CYB5A: variants seen among roughly 807,000 people sequenced by gnomAD.
CYB5A encodes cytochrome b5 type A, also known as cytochrome b5.
A neutral mutation model predicts 16.2 loss-of-function variants in CYB5A; 10 were observed. The observed-to-expected ratio is 0.62, with a 90% CI of 0.38 to 1.04. The LOEUF (loss-of-function observed/expected upper bound fraction) is 1.04. Among genes scored for constraint, CYB5A ranks in the 50% least tolerant of loss-of-function variants. CYB5A has a pLI of 0.01. For missense variants in CYB5A, 161 were observed against 165.9 expected, an observed-to-expected ratio of 0.97 and a Z score of 0.16; for synonymous variants, 62 against 57.0, an observed-to-expected ratio of 1.09 and a Z score of -0.40.
chr18:74,272,107 A>G (rs1982692306), intron 1 of CYB5A, among the ~76,000 whole-genome samples: 1 of 152,230 alleles, frequency 6.6e-6, no homozygotes, highest in South Asian at 2.1e-4. Flanking sequence ...GCTAAGCCCT[A>G]TCCTATGTAA....
intron 4 of CYB5A, among the ~76,000 whole-genome samples, chr18:74,254,114 AG>A (rs1396561170): frequency 3.3e-5 from 5 of 152,180 alleles, no homozygotes; most frequent in Non-Finnish European, 5.9e-5. Context: ...TGGGAGGCAG[AG>A]GTTGCAGTGA....
chr18:74,258,133 C>T (rs1982061338), intron 3 of CYB5A: 1 of 151,956 alleles, frequency 6.6e-6, no homozygotes, highest in South Asian at 2.1e-4. Flanking sequence ...ACACGGCAAG[C>T]CCAGAACCTA....
chr18:74,284,252 A>AAAAAAG (rs1555690735), intron 1 of CYB5A, among the ~76,000 whole-genome samples: 1 of 147,444 alleles, frequency 6.8e-6, no homozygotes. Flanking sequence ...AAAAAAAAAA[A>AAAAAAG]AGAGAGATTA....
At chr18:74,255,365 G>A (rs986537246) in intron 4 of CYB5A, among the ~76,000 whole-genome samples, 10 of 152,200 alleles carry the variant, frequency 6.6e-5, no homozygotes, top group Non-Finnish European at 1.3e-4. Flanking sequence ...CATGTTTAGG[G>A]AAATGTAATC....
intron 3 of CYB5A, chr18:74,257,183 G>A (rs1982019144): frequency 2.9e-6 from 1 of 342,320 alleles, no homozygotes; most frequent in African/African-American, 2.1e-5. Flanking sequence ...GTTAAAATGA[G>A]GGCAGGCATT....
chr18:74,282,564 A>G (rs1482953679), intron 1 of CYB5A, among the ~76,000 whole-genome samples: 1 of 152,184 alleles, frequency 6.6e-6, no homozygotes, highest in Non-Finnish European at 1.5e-5. Flanking sequence ...GCGTGGAAAA[A>G]GCAGCATATC....
chr18:74,258,121 T>C (rs1982060348), intron 3 of CYB5A: 1 of 152,070 alleles, frequency 6.6e-6, no homozygotes, highest in Admixed American at 6.5e-5. Flanking sequence ...GAGTGATGTC[T>C]AACACGGCAA....
At chr18:74,281,180 T>C (rs1378011048) in intron 1 of CYB5A, among the ~76,000 whole-genome samples, 1 of 152,108 alleles carries the variant, frequency 6.6e-6, no homozygotes, top group African/African-American at 2.4e-5. Flanking sequence ...CCTGAGCAGC[T>C]GGGAGAATGG....
At chr18:74,255,536 G>C (rs1378345554) in intron 4 of CYB5A, among the ~76,000 whole-genome samples, 1 of 152,200 alleles carries the variant, frequency 6.6e-6, no homozygotes, top group African/African-American at 2.4e-5. Context: ...CAGCCAGCTA[G>C]ATCACGTGGC....
intron 1 of CYB5A, among the ~76,000 whole-genome samples, chr18:74,273,854 T>C (rs538213702): frequency 1.3e-5 from 2 of 152,320 alleles, no homozygotes; most frequent in South Asian, 4.1e-4. Flanking sequence ...GCCCACTTAA[T>C]ACCATGGAGC....
Position 74,251,388 on chromosome 18 carries a change from C to T in CYB5A, c.*2196G>A, listed in dbSNP as rs2145030178. 6.6e-6 allele frequency: 1 copy of T among 152,356 alleles called. No homozygotes were observed. The highest frequency in any genetic ancestry group is 2.1e-4 in the South Asian group (1 of 4,822). The allele number at this position is 152,356 out of a possible 1,614,324, so 9.4% of individuals were successfully genotyped here. The stretch of plus-strand genomic sequence containing the variant: ...ACACCTTGAAGCAAAGGCAGGAAGA[C>T]TCAAAGCAGGAGGGAGCTTCCAGGT... On this transcript the variant is annotated 3_prime_UTR_variant, in exon 5 of 5. Transcript: ENST00000340533.
chr18:74,262,148 G>C (rs935486464), intron 2 of CYB5A, among the ~76,000 whole-genome samples: 6 of 152,162 alleles, frequency 3.9e-5, no homozygotes, highest in Non-Finnish European at 8.8e-5. Flanking sequence ...ACACAGCACA[G>C]TGTTTATAGA....
chr18:74,265,695 G>A (rs1353083297), intron 1 of CYB5A, among the ~76,000 whole-genome samples: 6 of 152,152 alleles, frequency 3.9e-5, no homozygotes, highest in Non-Finnish European at 7.4e-5. Context: ...TCATCTGCTC[G>A]GCCTCTGGTG....
intron 1 of CYB5A, among the ~76,000 whole-genome samples, chr18:74,286,781 A>T (rs931246784): frequency 3.3e-5 from 5 of 152,234 alleles, no homozygotes. Context: ...AATACCAGAC[A>T]TTCACATTCA....
chr18:74,269,423 T>TC (rs1982582972), intron 1 of CYB5A, among the ~76,000 whole-genome samples: 3 of 152,224 alleles, frequency 2.0e-5, no homozygotes, highest in South Asian at 2.1e-4. Flanking sequence ...GCGTTGGCTC[T>TC]CCTGATGATC....
At chr18:74,266,837 TA>T (rs573568747) in intron 1 of CYB5A, among the ~76,000 whole-genome samples, 6 of 73,510 alleles carry the variant, frequency 8.2e-5, no homozygotes, top group South Asian at 3.7e-4. Flanking sequence ...TTTAAAAAAC[TA>T]AAAAAAAAAA....
chr18:74,281,763 G>GTGTGTT (rs960400983), intron 1 of CYB5A, among the ~76,000 whole-genome samples: 4 of 150,640 alleles, frequency 2.7e-5, no homozygotes, highest in African/African-American at 9.9e-5. Context: ...GTGTGTGTGT[G>GTGTGTT]TGTGTATGTG....
At chr18:74,280,282 G>A (rs751056973) in intron 1 of CYB5A, among the ~76,000 whole-genome samples, 3 of 151,992 alleles carry the variant, frequency 2.0e-5, no homozygotes, top group African/African-American at 7.3e-5. Flanking sequence ...TTCACATGTC[G>A]GCCAGGTGCA....
In CYB5A at chr18:74,288,094, T is replaced by C. The variant is rs1293806680; in HGVS notation, c.129+3653A>G. Among the ~76,000 whole-genome samples, 3 of 152,360 alleles carry C rather than the reference T, an allele frequency of 2.0e-5. No individual in the cohort carries two copies. The East Asian group carries it at 5.8e-4, about 29-fold the overall frequency. ...ACTAAGCACCTGCTGCTATGTCGAC[T>C]GCCATTAATAATAAGCCAGTCTTCC... On this transcript the variant is annotated intron_variant, in intron 1 of 4. Coordinates refer to ENST00000340533, the MANE Select transcript of CYB5A (RefSeq NM_148923.4).
Sources: gnomAD v4.1 joint callset for allele counts (sites outside exome capture counted in the v4.1 genomes callset) on GRCh38, gnomAD v4.1.1 for gene constraint, MANE v1.5 for transcripts, NCBI Gene and HGNC (gene_info 2026-07-23, HGNC 2026-07-21) for gene names.